The following GPC3 variants were observed in gnomAD, a reference collection of about 807,000 sequenced individuals.
The protein encoded by GPC3 is glypican 3, also known as glypican-3.
GPC3 carries 3 observed loss-of-function variants against 34.4 expected under a neutral mutation model. The observed-to-expected ratio is 0.09, with a 90% confidence interval of 0.04 to 0.23. The LOEUF (loss-of-function observed/expected upper bound fraction) is 0.23, where lower values mean the gene tolerates loss of function less well. GPC3 is among the 10% of genes least tolerant of loss of function. The pLI, the probability that GPC3 is intolerant of heterozygous loss-of-function variation, is 1.00. For missense variants in GPC3, 351 were observed against 445.6 expected (o/e 0.79, Z 1.91); for synonymous variants, 177 against 174.0 (o/e 1.02, Z -0.13).
chrX:133,952,393 C>A (rs2076396728), intron 2 of GPC3, among the ~76,000 whole-genome samples: 2 of 112,190 alleles, frequency 1.8e-5, no homozygotes, highest in South Asian at 7.4e-4. Context: ...ACCACCACCA[C>A]CACCTCCATC....
intron 2 of GPC3, among the ~76,000 whole-genome samples, chrX:133,932,792 G>C (rs1240908084): frequency 9.0e-6 from 1 of 110,915 alleles, no homozygotes; most frequent in African/African-American, 3.3e-5. Context: ...TAAAATTTCA[G>C]GGGCTTCAAG....
At chrX:133,654,652 C>T (rs1197123468) in intron 6 of GPC3, among the ~76,000 whole-genome samples, 3 of 109,261 alleles carry the variant, frequency 2.7e-5, no homozygotes, top group Non-Finnish European at 5.7e-5. Flanking sequence ...GTGGAGGTTG[C>T]AGTGAGCCAA....
chrX:133,844,268 A>G (rs183408122), intron 2 of GPC3, among the ~76,000 whole-genome samples: 1 of 112,271 alleles, frequency 8.9e-6, no homozygotes, highest in Non-Finnish European at 1.9e-5. Context: ...TTGCTAAGAG[A>G]GTAGATCTTA....
intron 2 of GPC3, among the ~76,000 whole-genome samples, chrX:133,841,215 A>ATTTTTTTT (rs769696321): frequency 1.0e-4 from 4 of 39,248 alleles, no homozygotes; most frequent in African/African-American, 2.1e-4. Context: ...TAATCTTTTA[A>ATTTTTTTT]TTTTTTTTTT....
intron 7 of GPC3, among the ~76,000 whole-genome samples, chrX:133,558,895 A>C (rs866739484): frequency 2.9e-5 from 3 of 101,987 alleles, no homozygotes; most frequent in Admixed American, 1.1e-4. Flanking sequence ...TGTCTCAAAA[A>C]TAAGTAAGTA....
chrX:133,743,778 A>G (rs1334043745), intron 3 of GPC3, among the ~76,000 whole-genome samples: 1 of 112,180 alleles, frequency 8.9e-6, no homozygotes, highest in Non-Finnish European at 1.9e-5. Flanking sequence ...CTTGTAGTAT[A>G]TAGTTTGAAG....
intron 2 of GPC3, among the ~76,000 whole-genome samples, chrX:133,809,748 G>A (rs1231586713): frequency 8.9e-6 from 1 of 111,996 alleles, no homozygotes; most frequent in African/African-American, 3.3e-5. Context: ...CCCTGTATCA[G>A]TCACATCCAT....
intron 3 of GPC3, among the ~76,000 whole-genome samples, chrX:133,749,391 C>T (rs372347706): frequency 1.1e-4 from 12 of 111,699 alleles, no homozygotes; most frequent in South Asian, 3.8e-4. Flanking sequence ...GATGATGAGC[C>T]GAGTTTGAGA....
At chrX:133,589,342 G>A (rs761183316) in intron 7 of GPC3, among the ~76,000 whole-genome samples, 1 of 111,302 alleles carries the variant, frequency 9.0e-6, no homozygotes, top group African/African-American at 3.3e-5. Flanking sequence ...TAGTGAATAA[G>A]TCTCATGAGA....
chrX:133,667,092 T>C (rs1458927255), intron 5 of GPC3, among the ~76,000 whole-genome samples: 2 of 112,215 alleles, frequency 1.8e-5, no homozygotes, highest in African/African-American at 6.5e-5. Context: ...GTTAAATACA[T>C]GTACACTTCC....
chrX:133,868,138 G>C (rs1023830976), intron 2 of GPC3, among the ~76,000 whole-genome samples: 13 of 112,026 alleles, frequency 1.2e-4, no homozygotes, highest in Non-Finnish European at 3.8e-5. Flanking sequence ...CACTGAGCTG[G>C]TTAACACTTA....
chrX:133,711,277 A>T (rs753086793), intron 3 of GPC3, among the ~76,000 whole-genome samples: 13 of 112,386 alleles, frequency 1.2e-4, no homozygotes, highest in African/African-American at 3.9e-4. Context: ...AATCACCTGA[A>T]AATCTTATTC....
At chrX:133,913,762 A>G (rs1371861545) in intron 2 of GPC3, among the ~76,000 whole-genome samples, 1 of 111,204 alleles carries the variant, frequency 9.0e-6, no homozygotes, top group African/African-American at 3.3e-5. Flanking sequence ...TAGGGACTGA[A>G]GAGAGGAAAG....
At chrX:133,939,418 G>T (rs951452352) in intron 2 of GPC3, among the ~76,000 whole-genome samples, 6 of 111,660 alleles carry the variant, frequency 5.4e-5, no homozygotes, top group Non-Finnish European at 7.5e-5. Context: ...AAAAATTAGA[G>T]CTTCAGGAGT....
chrX:133,594,568 A>G (rs1197350357), intron 7 of GPC3, among the ~76,000 whole-genome samples: 1 of 111,947 alleles, frequency 8.9e-6, no homozygotes, highest in Non-Finnish European at 1.9e-5. Flanking sequence ...ACATGCTACA[A>G]CATGGATGAA....
chrX:133,544,718 G>A (rs1175696813), intron 7 of GPC3, among the ~76,000 whole-genome samples: 1 of 111,526 alleles, frequency 9.0e-6, no homozygotes, highest in Non-Finnish European at 1.9e-5. Context: ...TTTTTGTAGA[G>A]ACAGGGTCTT....
At chrX:133,796,554 T>C (rs967095254) in intron 2 of GPC3, among the ~76,000 whole-genome samples, 1 of 111,484 alleles carries the variant, frequency 9.0e-6, no homozygotes, top group African/African-American at 3.3e-5. Context: ...CAGCCTTCTC[T>C]AAGTCTGGAA....
chrX:133,669,826 G>A (rs1050544874), intron 5 of GPC3, among the ~76,000 whole-genome samples: 2 of 112,221 alleles, frequency 1.8e-5, no homozygotes, highest in Admixed American at 1.9e-4. Context: ...TGTTAGAAGT[G>A]TTACCTTACA....
chrX:133,657,996 G>C lies in GPC3; in HGVS notation c.1413+3734C>G, dbSNP rs72615414. Among the ~76,000 whole-genome samples the C allele has an allele frequency of 2.2e-3, 236 of 108,186 alleles. 5 individuals carry two copies. In the East Asian group the frequency reaches 0.066, roughly 30 times the overall value. The allele number at this position is 108,186 out of a possible 115,157, so 93.9% of individuals were successfully genotyped here. A position where few individuals can be genotyped will look rare whatever the true frequency, so the allele number is the denominator to read the frequency against. On this transcript the variant is annotated intron_variant, in intron 6 of 7. Coordinates refer to ENST00000370818, the MANE Select transcript of GPC3 (RefSeq NM_004484.4). ...GGAGCATGCTATTGTAGTTTTAATA[G>C]ATGCAGCACCGAGCAAGGGGCTTAG...
Sources: allele counts gnomAD v4.1 joint callset (sites outside exome capture counted in the v4.1 genomes callset), GRCh38; gene constraint gnomAD v4.1.1; transcripts MANE v1.5; gene names NCBI Gene and HGNC (gene_info 2026-07-23, HGNC 2026-07-21).